The following KMT2C variants were observed in gnomAD, a reference collection of about 807,000 sequenced individuals.
The protein encoded by KMT2C is lysine methyltransferase 2C.
Under a neutral mutation model 507.9 loss-of-function variants are expected in KMT2C, and 88 were observed. The observed-to-expected ratio is 0.17, with a 90% CI of 0.15 to 0.21. KMT2C has a LOEUF of 0.21. KMT2C is among the 10% of genes least tolerant of loss of function. The pLI is 1.00. For missense variants in KMT2C, 4,954 were observed against 5,957.8 expected, an observed-to-expected ratio of 0.83 and a Z score of 5.55; for synonymous variants, 2,049 against 2,080.8, an observed-to-expected ratio of 0.98 and a Z score of 0.42.
Position 152,181,515 on chromosome 7 carries a change from A to T in KMT2C, c.6345T>A (p.Ala2115=). 6.2e-7 allele frequency: 1 copy of T among 1,613,976 alleles called. No homozygotes were observed. The highest frequency in any genetic ancestry group is 1.6e-4 in the Middle Eastern group (1 of 6,062). Reference sequence around the variant, plus strand: ...TTGATATGGTTCCAGGCTGGGAAAAAGCCCTTGAAGGATGGGCAAAAGATT... The same window carrying T: ...TTGATATGGTTCCAGGCTGGGAAAATGCCCTTGAAGGATGGGCAAAAGATT... ...VNESFAHPSR[A]FSQPGTISRP... is the part of the protein sequence containing the mutation. The change falls in exon 36 of 59, where the codon GCT becomes GCA. Residue 2115 remains alanine, a synonymous_variant. Transcript: ENST00000262189.
At chr7:152,161,069 A>G (rs2092429706) in intron 43 of KMT2C, among the ~76,000 whole-genome samples, 3 of 152,236 alleles carry the variant, frequency 2.0e-5, no homozygotes, top group African/African-American at 4.8e-5. Flanking sequence ...AGAAGGCTGC[A>G]AGTTATTCAG....
Position 152,193,994 on chromosome 7 carries a change from A to G in KMT2C, c.4660+15T>C, listed in dbSNP as rs2093889035. 2.0e-6 allele frequency: 3 copies of G among 1,519,272 alleles called. No homozygotes were observed. Among genetic ancestry groups the G allele is most frequent in the East Asian group, 2.3e-5 (1 of 42,892 alleles). The allele number at this position is 1,519,272 out of a possible 1,614,324, so 94.1% of individuals were successfully genotyped here. On this transcript the variant is annotated intron_variant, in intron 31 of 58. Transcript: ENST00000262189. ...GTGTGTGAATATAATGTAGAATTAT[A>G]AAGTCATAACATACCCTGATTGTGT...
intron 1 of KMT2C, among the ~76,000 whole-genome samples, chr7:152,431,433 C>T (rs1476831870): frequency 6.6e-6 from 1 of 151,848 alleles, no homozygotes; most frequent in Non-Finnish European, 1.5e-5. Context: ...CCCGTCTCTA[C>T]TAAAAATACA....
At chr7:152,224,276 T>C (rs1039564084) in intron 19 of KMT2C, 97 bp from the exon 20 acceptor site, 361 of 1,315,908 alleles carry the variant, frequency 2.7e-4, no homozygotes, top group Non-Finnish European at 3.6e-4. Flanking sequence ...ATGGGGGAAA[T>C]GATTTAATGT....
chr7:152,142,729 T>C (rs1489884110), intron 55 of KMT2C, among the ~76,000 whole-genome samples: 1 of 152,214 alleles, frequency 6.6e-6, no homozygotes, highest in Non-Finnish European at 1.5e-5. Context: ...ATCAACACTA[T>C]GGAACATCAG....
Position 152,159,067 on chromosome 7 carries a change from A to C in KMT2C, c.11466T>G (p.Thr3822=), listed in dbSNP as rs1216564557. 6.2e-7 allele frequency: 1 copy of C among 1,614,136 alleles called. No individual in the cohort carries two copies. The change falls in exon 44 of 59, where the codon ACT becomes ACG. Residue 3822 remains threonine, a synonymous_variant. Transcript: ENST00000262189. ...AACCACCTTGCATTTGAGCCCCCAA[A>C]GTTTGCTAATGTAATTGGAAAGGGT... ...EKQNPAEGLQ[T]LGAQMQGGFG...
In KMT2C at chr7:152,181,848, A is replaced by G; in HGVS notation, c.6012T>C (p.Ser2004=). Residue 2004 remains serine (S), a synonymous_variant, in exon 36 of 59, where the codon AGT becomes AGC. Transcript: ENST00000262189. ...TAKGPIAAGT[S]DHFTKPSPRA... ...TAGGAGATGGTTTAGTAAAGTGATC[A>G]CTGGTTCCAGCTGCTATAGGGCCTT... is the stretch of plus-strand genomic sequence containing the variant. 1 of 1,614,174 alleles carries G rather than the reference A, an allele frequency of 6.2e-7. No individual in the cohort carries two copies. Among genetic ancestry groups the G allele is most frequent in the Non-Finnish European group, 8.5e-7 (1 of 1,180,044 alleles).
chr7:152,136,318 G>A lies in KMT2C; in HGVS notation c.*514C>T, dbSNP rs2089866778. 1 of 218,372 alleles carries A rather than the reference G, an allele frequency of 4.6e-6. No homozygotes were observed. Among genetic ancestry groups the A allele is most frequent in the Non-Finnish European group, 9.2e-6 (1 of 108,690 alleles). The allele number at this position is 218,372 out of a possible 1,614,324, so 13.5% of individuals were successfully genotyped here. A position where few individuals can be genotyped will look rare whatever the true frequency, so the allele number is the denominator to read the frequency against. On this transcript the variant is annotated 3_prime_UTR_variant, in exon 59 of 59. Coordinates refer to ENST00000262189, the MANE Select transcript of KMT2C (RefSeq NM_170606.3). ...ATTTCAGTACATTCCTTGTTCAGTG[G>A]TGTCTACTTTATTTAAAAACATTTT... is the stretch of plus-strand genomic sequence containing the variant.
intron 2 of KMT2C, among the ~76,000 whole-genome samples, chr7:152,334,626 G>C (rs964107472): frequency 6.6e-6 from 1 of 151,492 alleles, no homozygotes; most frequent in East Asian, 1.9e-4. Context: ...AAGCAACTGC[G>C]CAACCTCATC....
intron 1 of KMT2C, among the ~76,000 whole-genome samples, chr7:152,394,946 G>A (rs531937548): frequency 1.4e-4 from 21 of 152,148 alleles, no homozygotes; most frequent in African/African-American, 4.8e-4. Context: ...TTTTATTTAT[G>A]GTTTAATGCA....
intron 6 of KMT2C, among the ~76,000 whole-genome samples, chr7:152,281,739 A>G (rs952205891): frequency 1.3e-5 from 2 of 150,808 alleles, no homozygotes; most frequent in East Asian, 1.9e-4. Context: ...CTCAAAAACA[A>G]AAACAAAAAA....
At chr7:152,195,127 C>A (rs535894570) in intron 28 of KMT2C, among the ~76,000 whole-genome samples, 44 of 152,152 alleles carry the variant, frequency 2.9e-4, no homozygotes, top group South Asian at 8.3e-4. Context: ...CATGCTGCAG[C>A]TCAAATTTGT....
rs554110196 is a variant in KMT2C, at chr7:152,139,495, T to C, written c.14460+180A>G. ...TTTACAGTTGTCTATCAAAGTAAAC[T>C]GTAACACCAATTGAAAGAGATACAA... On this transcript the variant is annotated intron_variant, in intron 56 of 58. Transcript: ENST00000262189. 2.4e-4 allele frequency among the ~76,000 whole-genome samples: 37 copies of C among 152,352 alleles called. 1 individual carries two copies. Among genetic ancestry groups the C allele is most frequent in the African/African-American group, 8.7e-4 (36 of 41,578 alleles).
chr7:152,171,365 T>G (rs1329227460), intron 39 of KMT2C, 23 bp from the exon 40 acceptor site: 1 of 1,474,402 alleles, frequency 6.8e-7, no homozygotes, highest in Non-Finnish European at 9.4e-7. Flanking sequence ...GGTACACAAG[T>G]ATCAAGTGAT....
At chr7:152,169,855 A>C (rs1455742958) in intron 40 of KMT2C, among the ~76,000 whole-genome samples, 1 of 152,204 alleles carries the variant, frequency 6.6e-6, no homozygotes, top group Non-Finnish European at 1.5e-5. Flanking sequence ...AAAAAAATAA[A>C]AAAAATAAAT....
chr7:152,435,836 TC>T lies in KMT2C; in HGVS notation c.-51del. 1 of 994,946 alleles carries T rather than the reference TC, an allele frequency of 1.0e-6. No individual in the cohort carries two copies. The highest frequency in any genetic ancestry group is 1.3e-6 in the Non-Finnish European group (1 of 779,846). 61.6% of individuals were successfully genotyped at this position (994,946 alleles called of 1,614,324 possible). A position where few individuals can be genotyped will look rare whatever the true frequency, so the allele number is the denominator to read the frequency against. On this transcript the variant is annotated 5_prime_UTR_variant, in exon 1 of 59. It removes the in-frame stop codon of an upstream open reading frame in the 5' UTR. Transcript: ENST00000262189. ...GATCCCGGTCCTCCTCCTGGGGGGC[TC>T]CCGCCGCCGCGGCCGCCGCCGCCGC...
chr7:152,431,258 T>C (rs1167204481), intron 1 of KMT2C, among the ~76,000 whole-genome samples: 2 of 151,988 alleles, frequency 1.3e-5, no homozygotes, highest in African/African-American at 2.4e-5. Context: ...TAGTAAACAA[T>C]ATATAAATTT....
At chr7:152,334,737 C>T (rs945267558) in intron 2 of KMT2C, among the ~76,000 whole-genome samples, 5 of 152,140 alleles carry the variant, frequency 3.3e-5, no homozygotes, top group East Asian at 1.9e-4. Flanking sequence ...GCCAATGAGG[C>T]GCAATGCTCC....
At chr7:152,335,070 A>G (rs923085199) in intron 2 of KMT2C, among the ~76,000 whole-genome samples, 2 of 152,198 alleles carry the variant, frequency 1.3e-5, no homozygotes, top group African/African-American at 4.8e-5. Flanking sequence ...AAAATATTTA[A>G]TATAGCTATG....
Sources: allele counts gnomAD v4.1 joint callset (sites outside exome capture counted in the v4.1 genomes callset), GRCh38; gene constraint gnomAD v4.1.1; transcripts MANE v1.5; gene names NCBI Gene and HGNC (gene_info 2026-07-23, HGNC 2026-07-21).